WDR59: variants seen among roughly 807,000 people sequenced by gnomAD.
WDR59 encodes the protein GATOR2 complex protein WDR59.
In WDR59, 100 loss-of-function variants were observed where a neutral mutation model predicts 131.2. The observed-to-expected ratio is 0.76, with a 90% CI of 0.65 to 0.90. The LOEUF (loss-of-function observed/expected upper bound fraction) is 0.90, where lower values mean the gene tolerates loss of function less well. Ranked by LOEUF, WDR59 falls within the 40% of genes least tolerant of loss-of-function variation. The pLI, the probability that WDR59 is intolerant of heterozygous loss-of-function variation, is 0.00. For missense variants in WDR59, 1,203 were observed against 1,262.2 expected (o/e 0.95, Z 0.71); for synonymous variants, 601 against 466.2 (o/e 1.29, Z -3.72).
intron 2 of WDR59, chr16:74,959,355 C>G (rs2033455393): frequency 7.2e-6 from 2 of 278,458 alleles, no homozygotes; most frequent in Non-Finnish European, 1.4e-5. Flanking sequence ...CCCACCTGAT[C>G]TCCTCCACCG....
intron 13 of WDR59, among the ~76,000 whole-genome samples, chr16:74,914,997 A>G (rs1422972580): frequency 6.6e-6 from 1 of 152,190 alleles, no homozygotes; most frequent in African/African-American, 2.4e-5. Context: ...GAGATACTCA[A>G]TTTTCTGAAG....
chr16:74,941,313 T>G (rs1306360899), intron 7 of WDR59, among the ~76,000 whole-genome samples: 2 of 144,772 alleles, frequency 1.4e-5, no homozygotes, highest in African/African-American at 5.1e-5. Context: ...TACACTCCAG[T>G]CTGGGTGACA....
intron 25 of WDR59, among the ~76,000 whole-genome samples, chr16:74,877,863 T>A (rs1261954629): frequency 6.6e-6 from 1 of 152,188 alleles, no homozygotes; most frequent in Admixed American, 6.5e-5. Context: ...TTATTTTAAA[T>A]AACATCATTC....
chr16:74,924,319 G>A (rs1409409387), intron 8 of WDR59, among the ~76,000 whole-genome samples: 1 of 152,118 alleles, frequency 6.6e-6, no homozygotes, highest in East Asian at 1.9e-4. Context: ...TTTGTATCAC[G>A]TTTACATCTT....
intron 14 of WDR59, among the ~76,000 whole-genome samples, chr16:74,910,487 T>G (rs1049224296): frequency 1.3e-5 from 2 of 152,176 alleles, no homozygotes; most frequent in Non-Finnish European, 2.9e-5. Flanking sequence ...ACAGAAGGAC[T>G]ATTACTTCTT....
chr16:74,898,545 G>A (rs748439814), intron 18 of WDR59, among the ~76,000 whole-genome samples: 2 of 152,208 alleles, frequency 1.3e-5, no homozygotes, highest in Admixed American at 6.5e-5. Context: ...AAGGAAGAAC[G>A]GAGTGGGGTG....
rs3743921 is a variant in WDR59, at chr16:74,951,618, T to A, written c.241-75A>T. ...TCTTGCCCCAATCAGCTTAAGGCAG[T>A]GAAGAGGAAGCCAGGGATCTCATGC... On this transcript the variant is annotated intron_variant, in intron 3 of 25. Coordinates refer to ENST00000262144, the MANE Select transcript of WDR59 (RefSeq NM_030581.4). 665,825 of 1,327,264 alleles carry A rather than the reference T, an allele frequency of 0.5. 173,453 individuals carry two copies. The highest frequency in any genetic ancestry group is 0.77 in the East Asian group (30,486 of 39,630). The allele number at this position is 1,327,264 out of a possible 1,614,324, so 82.2% of individuals were successfully genotyped here. A position where few individuals can be genotyped will look rare whatever the true frequency, so the allele number is the denominator to read the frequency against.
intron 1 of WDR59, among the ~76,000 whole-genome samples, chr16:74,966,426 C>T (rs893349187): frequency 6.6e-6 from 1 of 151,916 alleles, no homozygotes; most frequent in African/African-American, 2.4e-5. Context: ...GGTGCAGTGA[C>T]TCGAGATTGA....
In WDR59 at chr16:74,903,922, C is replaced by G. The variant is rs763041445; in HGVS notation, c.1866+25G>C. On this transcript the variant is annotated intron_variant, in intron 18 of 25. Coordinates refer to ENST00000262144, the MANE Select transcript of WDR59 (RefSeq NM_030581.4). ...AGAATCCAGGAGAAGGGGTAAGAAT[C>G]AAAGGCTACGGCTCTGGCACTTACC... 3.7e-5 allele frequency: 59 copies of G among 1,594,752 alleles called. No individual in the cohort carries two copies. The East Asian group carries it at 1.3e-3, about 34-fold the overall frequency.
intron 1 of WDR59, among the ~76,000 whole-genome samples, chr16:74,967,874 A>C (rs1304876940): frequency 1.4e-5 from 2 of 144,418 alleles, no homozygotes; most frequent in African/African-American, 5.2e-5. Context: ...AAAAAAAAAA[A>C]AGATAGAAGA....
chr16:74,940,695 T>C (rs924773964), intron 7 of WDR59, among the ~76,000 whole-genome samples: 1 of 152,020 alleles, frequency 6.6e-6, no homozygotes, highest in East Asian at 1.9e-4. Flanking sequence ...AGTATCATTA[T>C]TTTAATTTTA....
At chr16:74,976,692 T>C (rs1370089330) in intron 1 of WDR59, among the ~76,000 whole-genome samples, 4 of 152,158 alleles carry the variant, frequency 2.6e-5, no homozygotes, top group Admixed American at 1.3e-4. Context: ...CCGCCCACCT[T>C]GGCCTCCCAA....
chr16:74,920,967 C>T (rs1293884737), intron 10 of WDR59, among the ~76,000 whole-genome samples: 2 of 152,034 alleles, frequency 1.3e-5, no homozygotes, highest in Non-Finnish European at 2.9e-5. Context: ...CTCTTGGCAT[C>T]GTTTTCTTTC....
rs370716025 is a variant in WDR59 at position 74,972,195 on chromosome 16, A to G, written c.55-6373T>C. Reference sequence around the variant, plus strand: ...GCACACTTAACACTTTAGGATTTACATGCCCTTTATGAAATGAGAATTGAT... The same window carrying G: ...GCACACTTAACACTTTAGGATTTACGTGCCCTTTATGAAATGAGAATTGAT... On this transcript the variant is annotated intron_variant, in intron 1 of 25. Transcript: ENST00000262144. Among the ~76,000 whole-genome samples, 4 of 152,312 alleles carry G rather than the reference A, an allele frequency of 2.6e-5. No individual in the cohort carries two copies. The South Asian group carries it at 6.2e-4, about 24-fold the overall frequency.
chr16:74,931,979 A>G (rs1361782935), intron 8 of WDR59, among the ~76,000 whole-genome samples: 2 of 152,000 alleles, frequency 1.3e-5, no homozygotes, highest in African/African-American at 4.8e-5. Flanking sequence ...GTGTTATAAT[A>G]TCAACTTAAA....
chr16:74,938,242 G>A lies in WDR59; in HGVS notation c.559C>T (p.Leu187=), dbSNP rs2031956409. Residue 187 remains leucine, a synonymous_variant, in exon 8 of 26, where the codon CTA becomes TTA. Transcript: ENST00000262144. ...TGGATTTTGGAGAGGTGGGCGGCTA[G>A]ATATTCCACTGCTGTACTGGGTTTC... ...KRKPSTAVEY[L]AAHLSKIHGL... 12 of 1,566,702 alleles carry A rather than the reference G, an allele frequency of 7.7e-6. No homozygotes were observed. The highest frequency in any genetic ancestry group is 1.4e-5 in the African/African-American group (1 of 72,440).
chr16:74,979,433 T>A (rs1272772757), intron 1 of WDR59, among the ~76,000 whole-genome samples: 1 of 150,160 alleles, frequency 6.7e-6, no homozygotes, highest in Non-Finnish European at 1.5e-5. Context: ...GCCACTGCAC[T>A]CCAGCCTGGG....
intron 18 of WDR59, among the ~76,000 whole-genome samples, chr16:74,894,484 T>C (rs554127214): frequency 6.6e-5 from 10 of 152,312 alleles, no homozygotes; most frequent in African/African-American, 2.4e-4. Flanking sequence ...GTGAGGAGCC[T>C]GTATGTGTGA....
At chr16:74,904,256 G>T in intron 17 of WDR59, 156 bp from the exon 18 acceptor site, 1 of 815,188 alleles carries the variant, frequency 1.2e-6, no homozygotes, top group Non-Finnish European at 1.9e-6. Flanking sequence ...ACTGAAAAAT[G>T]CTTTATCTGC....
Sources: allele counts gnomAD v4.1 joint callset (sites outside exome capture counted in the v4.1 genomes callset), GRCh38; gene constraint gnomAD v4.1.1; transcripts MANE v1.5; gene names NCBI Gene and HGNC (gene_info 2026-07-23, HGNC 2026-07-21).